Variants in UNC79 observed in about 807,000 individuals in gnomAD.
UNC79 encodes the protein protein unc-79 homolog.
UNC79 carries 37 observed loss-of-function variants against 283.1 expected under a neutral mutation model. The ratio of observed to expected loss-of-function variants is 0.13; its 90% CI spans 0.10 to 0.17. The LOEUF (loss-of-function observed/expected upper bound fraction) is 0.17. UNC79 is among the 10% of genes least tolerant of loss of function. The pLI is 1.00. For synonymous variants in UNC79, 1,107 were observed against 1,200.2 expected, an observed-to-expected ratio of 0.92 and a Z score of 1.61; for missense variants, 2,272 against 3,211.1, an observed-to-expected ratio of 0.71 and a Z score of 7.07.
intron 40 of UNC79, among the ~76,000 whole-genome samples, chr14:93,671,935 G>A (rs924782997): frequency 2.0e-5 from 3 of 152,056 alleles, no homozygotes; most frequent in Admixed American, 6.6e-5. Context: ...GAAAAAAAAT[G>A]CTCAATATCT....
At chr14:93,343,683 T>C (rs1369136234) in intron 1 of UNC79, among the ~76,000 whole-genome samples, 1 of 152,206 alleles carries the variant, frequency 6.6e-6, no homozygotes, top group Non-Finnish European at 1.5e-5. Context: ...TTATATAATT[T>C]TCTAGAACTT....
chr14:93,563,617 ATAGCCTGC>A (rs1462892313), intron 14 of UNC79, among the ~76,000 whole-genome samples: 1 of 152,224 alleles, frequency 6.6e-6, no homozygotes, highest in Non-Finnish European at 1.5e-5. Flanking sequence ...CTACTACAGC[ATAGCCTGC>A]TTTTGCTGGT....
At chr14:93,398,723 T>C (rs962616203) in intron 1 of UNC79, among the ~76,000 whole-genome samples, 2 of 152,178 alleles carry the variant, frequency 1.3e-5, no homozygotes, top group Admixed American at 1.3e-4. Flanking sequence ...ACAGAAGGGT[T>C]TTAGAGAAGA....
At chr14:93,638,813 G>A (rs1326830181) in intron 32 of UNC79, among the ~76,000 whole-genome samples, 1 of 152,192 alleles carries the variant, frequency 6.6e-6, no homozygotes, top group Non-Finnish European at 1.5e-5. Flanking sequence ...AACGGTGGCT[G>A]AGGTCTGTGG....
intron 14 of UNC79, among the ~76,000 whole-genome samples, chr14:93,567,038 T>C (rs2141532119): frequency 6.6e-6 from 1 of 152,338 alleles, no homozygotes; most frequent in Non-Finnish European, 1.5e-5. Context: ...TACTTTAAGT[T>C]TGGCCTAAAA....
chr14:93,530,807 G>T (rs2060783257), intron 10 of UNC79, among the ~76,000 whole-genome samples: 1 of 151,996 alleles, frequency 6.6e-6, no homozygotes, highest in Non-Finnish European at 1.5e-5. Context: ...TACTCGGGAG[G>T]CTGAGGCAGG....
chr14:93,706,647 C>G (rs2075900441), intron 48 of UNC79, 57 bp from the exon 52 acceptor site: 3 of 1,604,036 alleles, frequency 1.9e-6, no homozygotes, highest in Non-Finnish European at 2.6e-6. Context: ...CGGGTCGACA[C>G]TCCCTGGGTT....
chr14:93,375,904 G>A (rs775465323), intron 1 of UNC79, among the ~76,000 whole-genome samples: 3 of 152,072 alleles, frequency 2.0e-5, no homozygotes, highest in Non-Finnish European at 2.9e-5. Context: ...ATGAGTCATC[G>A]GGAGTGGGAC....
At chr14:93,630,752 C>A (rs2067965102) in intron 30 of UNC79, 49 bp from the exon 33 acceptor site, 1 of 1,488,056 alleles carries the variant, frequency 6.7e-7, no homozygotes, top group African/African-American at 1.4e-5. Flanking sequence ...GGTTCTTGAA[C>A]TTGCTTTTAA....
intron 7 of UNC79, among the ~76,000 whole-genome samples, chr14:93,509,657 A>C (rs2059720863): frequency 6.6e-6 from 1 of 152,212 alleles, no homozygotes. Context: ...TATCACATCC[A>C]GGCCACACTA....
chr14:93,532,082 T>C (rs1235208266), intron 10 of UNC79, among the ~76,000 whole-genome samples: 4 of 152,144 alleles, frequency 2.6e-5, no homozygotes, highest in African/African-American at 9.7e-5. Context: ...CGATAATTTA[T>C]GAGCCAAGTG....
chr14:93,514,821 A>T (rs1359457088), intron 7 of UNC79, among the ~76,000 whole-genome samples: 1 of 152,196 alleles, frequency 6.6e-6, no homozygotes, highest in African/African-American at 2.4e-5. Flanking sequence ...TTTACTTTTT[A>T]AAAAAGAGAG....
At chr14:93,629,165 C>CT (rs1372439457) in intron 30 of UNC79, among the ~76,000 whole-genome samples, 1 of 152,170 alleles carries the variant, frequency 6.6e-6, no homozygotes, top group East Asian at 1.9e-4. Context: ...TGCCACTGCA[C>CT]TCCAGACTGG....
chr14:93,396,777 A>ATGTGTGTGTG (rs34727419), intron 1 of UNC79, among the ~76,000 whole-genome samples: 30,594 of 144,246 alleles, frequency 0.21, 3,442 homozygotes, highest in African/African-American at 0.29. Context: ...ATGTGTGTGT[A>ATGTGTGTGTG]TGTGTGTGTG....
chr14:93,684,386 A>G (rs1246481438), intron 42 of UNC79, among the ~76,000 whole-genome samples: 1 of 152,224 alleles, frequency 6.6e-6, no homozygotes, highest in Admixed American at 6.5e-5. Flanking sequence ...TGTTTATTAA[A>G]GCATCATTTA....
At chr14:93,485,042 C>T (rs996035044) in intron 4 of UNC79, among the ~76,000 whole-genome samples, 9 of 152,030 alleles carry the variant, frequency 5.9e-5, no homozygotes, top group Non-Finnish European at 1.2e-4. Flanking sequence ...CTTTTAAAGG[C>T]CTCCATTTAC....
intron 2 of UNC79, among the ~76,000 whole-genome samples, chr14:93,468,591 G>A (rs2057338022): frequency 6.6e-6 from 1 of 152,152 alleles, no homozygotes; most frequent in Admixed American, 6.5e-5. Context: ...CAAAAATTTT[G>A]TAAGACAGAT....
intron 42 of UNC79, 94 bp downstream of exon 45, chr14:93,682,788 C>A: frequency 8.6e-7 from 1 of 1,158,176 alleles, no homozygotes; most frequent in Non-Finnish European, 1.3e-6. Flanking sequence ...GGTTTGAGGC[C>A]TGCCATTTAC....
intron 1 of UNC79, among the ~76,000 whole-genome samples, chr14:93,381,140 C>G (rs2054656726): frequency 6.6e-6 from 1 of 152,166 alleles, no homozygotes; most frequent in East Asian, 1.9e-4. Context: ...AAGGTACTAA[C>G]TAGTTCCAGT....
Sources: allele counts gnomAD v4.1 joint callset (sites outside exome capture counted in the v4.1 genomes callset), GRCh38; gene constraint gnomAD v4.1.1; transcripts MANE v1.5; gene names NCBI Gene and HGNC (gene_info 2026-07-23, HGNC 2026-07-21).